PLCB1: variants seen among roughly 807,000 people sequenced by gnomAD.
PLCB1 encodes 1-phosphatidylinositol 4,5-bisphosphate phosphodiesterase beta-1.
A neutral mutation model predicts 161.8 loss-of-function variants in PLCB1; 46 were observed. The ratio of observed to expected loss-of-function variants is 0.28; its 90% CI spans 0.22 to 0.36. PLCB1 has a LOEUF of 0.36. Among genes scored for constraint, PLCB1 ranks in the 10% least tolerant of loss-of-function variants. PLCB1 has a pLI of 1.00. For synonymous variants in PLCB1, 517 were observed against 503.7 expected (o/e 1.03, Z -0.35); for missense variants, 1,016 against 1,472.5 (o/e 0.69, Z 5.07).
intron 9 of PLCB1, among the ~76,000 whole-genome samples, chr20:8,670,786 A>G (rs1989923239): frequency 2.0e-5 from 3 of 152,212 alleles, no homozygotes; most frequent in Admixed American, 2.0e-4. Flanking sequence ...CATTTAGATT[A>G]TTTCTTAAAA....
chr20:8,201,640 G>A (rs111887091), intron 2 of PLCB1, among the ~76,000 whole-genome samples: 1 of 152,194 alleles, frequency 6.6e-6, no homozygotes, highest in South Asian at 2.1e-4. Flanking sequence ...ATCTCATATA[G>A]GTTATTACTC....
intron 3 of PLCB1, among the ~76,000 whole-genome samples, chr20:8,581,375 T>G (rs543859006): frequency 6.6e-6 from 1 of 152,062 alleles, no homozygotes; most frequent in African/African-American, 2.4e-5. Flanking sequence ...TGGCGACCAT[T>G]TGGATATAGG....
intron 6 of PLCB1, among the ~76,000 whole-genome samples, chr20:8,648,182 A>T (rs146069219): frequency 1.4e-3 from 214 of 152,286 alleles, no homozygotes; most frequent in African/African-American, 5.0e-3. Flanking sequence ...CCAAAGCAGG[A>T]AGTGGGTGGA....
At chr20:8,185,716 T>C (rs533065935) in intron 2 of PLCB1, among the ~76,000 whole-genome samples, 3 of 152,232 alleles carry the variant, frequency 2.0e-5, no homozygotes, top group African/African-American at 7.2e-5. Flanking sequence ...TTTATTTATT[T>C]ATCACTAATA....
chr20:8,622,043 G>T (rs1988198663), intron 3 of PLCB1, among the ~76,000 whole-genome samples: 1 of 151,472 alleles, frequency 6.6e-6, no homozygotes, highest in African/African-American at 2.4e-5. Flanking sequence ...GGATCACGAG[G>T]TCAAGAGATG....
intron 25 of PLCB1, among the ~76,000 whole-genome samples, 191 bp from the exon 26 acceptor site, chr20:8,764,948 T>G (rs1982237056): frequency 6.6e-6 from 1 of 152,166 alleles, no homozygotes. Context: ...TCTGAGAAGT[T>G]TAGTAACATA....
At position 8,267,048 on chromosome 20, in the gene PLCB1, AAG is replaced by A. The variant is rs1981997902; in HGVS notation, c.178-104333_178-104332del. ...GCGAGACTTCGTCTAAAAAAAAAAA[AAG>A]GGAAAAAAAAAGAATGGGTACATCT... On this transcript the variant is annotated intron_variant, in intron 2 of 31. Coordinates refer to ENST00000338037, the MANE Select transcript of PLCB1 (RefSeq NM_015192.4). Among the ~76,000 whole-genome samples the A allele has an allele frequency of 2.0e-5, 3 of 151,598 alleles. No homozygotes were observed. In the South Asian group the frequency reaches 6.2e-4, roughly 32 times the overall value.
intron 7 of PLCB1, chr20:8,649,758 G>T: frequency 5.4e-6 from 2 of 370,270 alleles, no homozygotes; most frequent in Non-Finnish European, 1.0e-5. Context: ...TCTCCACCTT[G>T]GACTTCCCAG....
intron 3 of PLCB1, among the ~76,000 whole-genome samples, chr20:8,463,077 A>T (rs546992369): frequency 3.3e-5 from 5 of 151,580 alleles, no homozygotes; most frequent in Non-Finnish European, 7.4e-5. Context: ...TTTCAGATTC[A>T]TGCCCATTCA....
At position 8,803,777 on chromosome 20, in the gene PLCB1, TTTTGTTTGTTTG is replaced by T. The variant is rs148420606; in HGVS notation, c.3423+13536_3423+13547del. On this transcript the variant is annotated intron_variant, in intron 31 of 31. Transcript: ENST00000338037. ...GTTACTGCCCTGGTAGTTTTGTGTT[TTTTGTTTGTTTG>T]TTTGTTTGTTTGTTTGTTTTTGAGA... is the stretch of plus-strand genomic sequence containing the variant. Among the ~76,000 whole-genome samples the T allele has an allele frequency of 9.9e-5, 15 of 151,016 alleles. 1 individual carries two copies. The highest frequency in any genetic ancestry group is 1.9e-4 in the East Asian group (1 of 5,140).
intron 3 of PLCB1, among the ~76,000 whole-genome samples, chr20:8,453,316 G>A (rs544080700): frequency 6.6e-6 from 1 of 152,310 alleles, no homozygotes; most frequent in East Asian, 1.9e-4. Flanking sequence ...GGATAGAGAT[G>A]ATAACAGATG....
chr20:8,386,527 T>C (rs1201580558), intron 3 of PLCB1, among the ~76,000 whole-genome samples: 2 of 152,230 alleles, frequency 1.3e-5, no homozygotes, highest in Non-Finnish European at 2.9e-5. Flanking sequence ...TTTGTTGTGC[T>C]GTTTATAGAG....
intron 27 of PLCB1, among the ~76,000 whole-genome samples, chr20:8,781,417 A>AAC (rs745610188): frequency 0.049 from 1,372 of 28,128 alleles, 11 homozygotes; most frequent in East Asian, 0.26. Flanking sequence ...CACACACACA[A>AAC]ACACACACAC....
At chr20:8,828,701 G>T (rs1985834969) in intron 31 of PLCB1, among the ~76,000 whole-genome samples, 1 of 152,184 alleles carries the variant, frequency 6.6e-6, no homozygotes, top group East Asian at 1.9e-4. Flanking sequence ...ACTCTAGGGA[G>T]CCCTGCCAAC....
intron 2 of PLCB1, among the ~76,000 whole-genome samples, chr20:8,309,677 G>T (rs532946237): frequency 6.6e-6 from 1 of 152,190 alleles, no homozygotes; most frequent in Non-Finnish European, 1.5e-5. Flanking sequence ...CCATAATTCC[G>T]TTGACAGCAG....
intron 31 of PLCB1, 56 bp downstream of exon 31, chr20:8,790,317 G>A (rs1983691855): frequency 7.4e-7 from 1 of 1,344,556 alleles, no homozygotes; most frequent in African/African-American, 1.5e-5. Context: ...CATTTAGTAA[G>A]AGTAAAACCT....
At chr20:8,274,761 T>C (rs1186071518) in intron 2 of PLCB1, among the ~76,000 whole-genome samples, 2 of 152,196 alleles carry the variant, frequency 1.3e-5, no homozygotes, top group African/African-American at 2.4e-5. Context: ...GCCTTAAAAA[T>C]TAATACTTTA....
intron 9 of PLCB1, among the ~76,000 whole-genome samples, chr20:8,673,378 C>T (rs1383847461): frequency 6.6e-6 from 1 of 152,106 alleles, no homozygotes; most frequent in Non-Finnish European, 1.5e-5. Context: ...TATTCTAGTC[C>T]CCTTTTCCAG....
chr20:8,267,866 A>T lies in PLCB1; in HGVS notation c.178-103516A>T, dbSNP rs1383580423. On this transcript the variant is annotated intron_variant, in intron 2 of 31. Coordinates refer to ENST00000338037, the MANE Select transcript of PLCB1 (RefSeq NM_015192.4). ...CTAGGAGAGGACCAATCACTGGCTG[A>T]AGCAGAGTTACAAAGTTACATATGA... Among the ~76,000 whole-genome samples the T allele has an allele frequency of 3.3e-5, 5 of 151,974 alleles. No individual in the cohort carries two copies. In the East Asian group the frequency reaches 9.7e-4, roughly 29 times the overall value.
Sources: allele counts gnomAD v4.1 joint callset (sites outside exome capture counted in the v4.1 genomes callset), GRCh38; gene constraint gnomAD v4.1.1; transcripts MANE v1.5; gene names NCBI Gene and HGNC (gene_info 2026-07-23, HGNC 2026-07-21).